Variants in MCMDC2 observed in about 807,000 individuals in gnomAD.
The protein encoded by MCMDC2 is minichromosome maintenance domain-containing protein 2.
In MCMDC2, 54 loss-of-function variants were observed where a neutral mutation model predicts 75.8. The ratio of observed to expected loss-of-function variants is 0.71; its 90% confidence interval spans 0.57 to 0.89. MCMDC2 has a LOEUF of 0.89. Ranked by LOEUF, MCMDC2 falls within the 40% of genes least tolerant of loss-of-function variation. The pLI is 0.00. For synonymous variants in MCMDC2, 249 were observed against 274.6 expected (o/e 0.91, Z 0.92); for missense variants, 656 against 780.4 (o/e 0.84, Z 1.90).
At chr8:66,874,870 C>T (rs1811202999) in intron 4 of MCMDC2, among the ~76,000 whole-genome samples, 1 of 152,012 alleles carries the variant, frequency 6.6e-6, no homozygotes, top group Non-Finnish European at 1.5e-5. Flanking sequence ...ACAATCCTGC[C>T]TCAGCCTCCC....
At chr8:66,908,878 G>T (rs1342465662) in intron 14 of MCMDC2, among the ~76,000 whole-genome samples, 2 of 152,194 alleles carry the variant, frequency 1.3e-5, no homozygotes, top group Non-Finnish European at 2.9e-5. Context: ...CTCCCAAAGT[G>T]CTGAGATTGC....
rs1811184762 is a variant in MCMDC2, at chr8:66,874,568, A to G, written c.267A>G (p.Gln89=). Residue 89 remains glutamine (Q), a synonymous_variant, in exon 4 of 15, where the codon CAA becomes CAG. Coordinates refer to ENST00000422365, the MANE Select transcript of MCMDC2 (RefSeq NM_173518.5). ...IAVKTLSLIG[Q]LQTETQINIV... Reference sequence around the variant, plus strand: ...TTAAGACTCTCTCATTAATTGGACAATTGCAGACTGAAACGCAAGTAAGTT... The same window carrying G: ...TTAAGACTCTCTCATTAATTGGACAGTTGCAGACTGAAACGCAAGTAAGTT... The G allele has an allele frequency of 9.9e-6, 16 of 1,613,100 alleles. No homozygotes were observed. Among genetic ancestry groups the G allele is most frequent in the Non-Finnish European group, 1.4e-5 (16 of 1,179,658 alleles).
At chr8:66,915,607 A>G (rs1278184688) in intron 14 of MCMDC2, among the ~76,000 whole-genome samples, 4 of 150,500 alleles carry the variant, frequency 2.7e-5, no homozygotes, top group Admixed American at 2.7e-4. Context: ...GTGTGAGTAT[A>G]TATATAACTT....
chr8:66,908,968 C>G (rs890152156), intron 14 of MCMDC2, among the ~76,000 whole-genome samples: 1 of 152,132 alleles, frequency 6.6e-6, no homozygotes, highest in Non-Finnish European at 1.5e-5. Flanking sequence ...TTGTCCCCAC[C>G]CAAATCTCAT....
At chr8:66,902,443 C>CT (rs900930032) in intron 13 of MCMDC2, among the ~76,000 whole-genome samples, 1 of 151,042 alleles carries the variant, frequency 6.6e-6, no homozygotes, top group Non-Finnish European at 1.5e-5. Context: ...AATCCCAGCA[C>CT]TTTGGGAGGC....
At chr8:66,884,219 A>G in intron 9 of MCMDC2, 1 of 543,762 alleles carries the variant, frequency 1.8e-6, no homozygotes, top group Non-Finnish European at 3.2e-6. Context: ...AGACCTTTGT[A>G]AATAAATACA....
intron 9 of MCMDC2, among the ~76,000 whole-genome samples, chr8:66,889,455 T>C (rs1481571338): frequency 1.3e-5 from 2 of 152,044 alleles, no homozygotes; most frequent in African/African-American, 2.4e-5. Context: ...GACTGCATCA[T>C]TGCATTCCAG....
chr8:66,877,433 T>C lies in MCMDC2; in HGVS notation c.370T>C (p.Ser124Pro), dbSNP rs1811341844. Residue 124 changes from serine to proline, a missense_variant, in exon 5 of 15, where the codon TCT becomes CCT. Transcript: ENST00000422365. ...TTGTGAGTTTCCACTTGATTATACA[T>C]CTCAGAGATTTTATATGATGCAAGG... ...DLCEFPLDYT[S>P]QRFYMMQGIV... The C allele has an allele frequency of 1.2e-6, 2 of 1,613,002 alleles. No individual in the cohort carries two copies. Among genetic ancestry groups the C allele is most frequent in the African/African-American group, 1.3e-5 (1 of 74,892 alleles).
intron 14 of MCMDC2, among the ~76,000 whole-genome samples, chr8:66,911,943 A>G (rs1284033753): frequency 6.6e-6 from 1 of 152,224 alleles, no homozygotes; most frequent in African/African-American, 2.4e-5. Flanking sequence ...GCCTGCTAAC[A>G]TGCATTCTGC....
chr8:66,877,531 C>G lies in MCMDC2; in HGVS notation c.468C>G (p.Cys156Trp). 6.3e-7 allele frequency: 1 copy of G among 1,596,310 alleles called. No homozygotes were observed. The highest frequency in any genetic ancestry group is 8.5e-7 in the Non-Finnish European group (1 of 1,174,588). The part of the protein sequence containing the change: ...GARFLCSDEA[C>W]PLSKGFQYIR... ...GATTTCTTTGTTCAGATGAAGCATG[C>G]CCTCTTTCAAAAGGTAAATGTTAAA... Residue 156 changes from cysteine to tryptophan, a missense_variant, in exon 5 of 15, where the codon TGC becomes TGG. By Grantham distance (215) the Cys-to-Trp change is radical. Transcript: ENST00000422365.
intron 7 of MCMDC2, among the ~76,000 whole-genome samples, chr8:66,879,771 T>G (rs1811475631): frequency 6.6e-6 from 1 of 152,352 alleles, no homozygotes; most frequent in South Asian, 2.1e-4. Flanking sequence ...TAGGACCTAA[T>G]GTGTCCCAAG....
At chr8:66,879,456 G>T (rs1811458372) in intron 7 of MCMDC2, among the ~76,000 whole-genome samples, 1 of 152,126 alleles carries the variant, frequency 6.6e-6, no homozygotes, top group African/African-American at 2.4e-5. Flanking sequence ...AGCCAGGTGT[G>T]GTGACGGATG....
rs150886599 is a variant in MCMDC2 at position 66,901,289 on chromosome 8, C to T, written c.1710C>T (p.Arg570=). 4 of 1,613,892 alleles carry T rather than the reference C, an allele frequency of 2.5e-6. No individual in the cohort carries two copies. The African/African-American group carries it at 5.3e-5, about 22-fold the overall frequency. Residue 570 remains arginine (R), a synonymous_variant, in exon 13 of 15, where the codon CGC becomes CGT. Transcript: ENST00000422365. ...CCCATGGCTATTATCTAGCAAGTCG[C>T]AGAATCAGAACAGGCTCTGTATGTG... ...RMTHGYYLAS[R]RIRTGSVCGS...
At chr8:66,874,997 G>A (rs1290710860) in intron 4 of MCMDC2, among the ~76,000 whole-genome samples, 2 of 151,970 alleles carry the variant, frequency 1.3e-5, no homozygotes, top group Admixed American at 6.6e-5. Context: ...CTCATGATCC[G>A]CCCACATTGG....
intron 8 of MCMDC2, 138 bp downstream of exon 8, chr8:66,881,112 T>G: frequency 1.6e-6 from 1 of 639,842 alleles, no homozygotes; most frequent in African/African-American, 1.9e-5. Context: ...ACAGTCAAGG[T>G]TTCTGTTCTT....
At chr8:66,908,770 C>G (rs917276540) in intron 14 of MCMDC2, among the ~76,000 whole-genome samples, 3 of 152,048 alleles carry the variant, frequency 2.0e-5, no homozygotes, top group Non-Finnish European at 4.4e-5. Flanking sequence ...ACCACCACAC[C>G]CAGTTAATTT....
Position 66,918,761 on chromosome 8 carries a change from T to G in MCMDC2, c.1880-242T>G, listed in dbSNP as rs549427466. Among the ~76,000 whole-genome samples the G allele has an allele frequency of 5.3e-5, 8 of 152,292 alleles. No homozygotes were observed. The East Asian group carries it at 1.4e-3, about 26-fold the overall frequency. ...CCATTGGCCCTGGTACCAATGCGTG[T>G]GCACTTACTGAACCTGCTTTCTGGG... On this transcript the variant is annotated intron_variant, in intron 14 of 14. Transcript: ENST00000422365.
At chr8:66,911,396 CCTCCTCAGCCATGCT>C (rs1186468033) in intron 14 of MCMDC2, among the ~76,000 whole-genome samples, 4 of 152,190 alleles carry the variant, frequency 2.6e-5, no homozygotes, top group Admixed American at 6.5e-5. Flanking sequence ...TGTCCTGTGG[CCTCCTCAGCCATGCT>C]GAACTGTGAG....
chr8:66,877,863 T>TAAA (rs746087269), intron 5 of MCMDC2, among the ~76,000 whole-genome samples: 9 of 87,432 alleles, frequency 1.0e-4, no homozygotes, highest in African/African-American at 2.9e-4. Context: ...TGACCCTGTC[T>TAAA]AAAAAAAAAA....
Sources: allele counts gnomAD v4.1 joint callset (sites outside exome capture counted in the v4.1 genomes callset), GRCh38; gene constraint gnomAD v4.1.1; transcripts MANE v1.5; gene names NCBI Gene and HGNC (gene_info 2026-07-23, HGNC 2026-07-21).